Variants in LYST observed in about 807,000 individuals in gnomAD.
LYST encodes lysosomal-trafficking regulator.
In LYST, 192 loss-of-function variants were observed where a neutral mutation model predicts 413.6. The observed-to-expected ratio is 0.46, with a 90% CI of 0.41 to 0.52. LYST has a LOEUF of 0.52. LYST is among the 20% of genes least tolerant of loss of function. The pLI is 0.00. For synonymous variants in LYST, 1,525 were observed against 1,567.3 expected (o/e 0.97, Z 0.64); for missense variants, 3,815 against 4,499.9 (o/e 0.85, Z 4.35).
At chr1:235,683,761 T>C (rs1357276251) in intron 48 of LYST, among the ~76,000 whole-genome samples, 1 of 152,124 alleles carries the variant, frequency 6.6e-6, no homozygotes, top group African/African-American at 2.4e-5. Context: ...ATTCAGTGGG[T>C]CAGGAAAGCT....
intron 16 of LYST, among the ~76,000 whole-genome samples, chr1:235,778,407 C>T (rs1669530981): frequency 6.6e-6 from 1 of 151,844 alleles, no homozygotes; most frequent in Admixed American, 6.6e-5. Flanking sequence ...CGGAGTCTTG[C>T]TCTGTTGCCC....
intron 30 of LYST, among the ~76,000 whole-genome samples, chr1:235,741,979 G>A (rs1405616293): frequency 6.6e-6 from 1 of 152,114 alleles, no homozygotes; most frequent in Non-Finnish European, 1.5e-5. Flanking sequence ...GACCCTTGAG[G>A]ACATTATGCT....
At chr1:235,852,713 A>T (rs1239927591) in intron 1 of LYST, among the ~76,000 whole-genome samples, 1 of 152,192 alleles carries the variant, frequency 6.6e-6, no homozygotes, top group Non-Finnish European at 1.5e-5. Context: ...CGCATTTAAT[A>T]AATTATTTTA....
chr1:235,673,655 C>G (rs1483174960), intron 50 of LYST, among the ~76,000 whole-genome samples: 1 of 152,158 alleles, frequency 6.6e-6, no homozygotes, highest in Non-Finnish European at 1.5e-5. Context: ...TTAGGTGCTT[C>G]TATGGTCTAG....
chr1:235,862,007 T>G (rs1006019695), intron 1 of LYST, among the ~76,000 whole-genome samples: 54 of 152,270 alleles, frequency 3.5e-4, no homozygotes, highest in African/African-American at 1.3e-3. Flanking sequence ...TTAGACTGAG[T>G]TCCTCCTGCA....
At chr1:235,670,343 G>A (rs1345154733) in intron 50 of LYST, among the ~76,000 whole-genome samples, 5 of 152,200 alleles carry the variant, frequency 3.3e-5, no homozygotes, top group Admixed American at 6.5e-5. Context: ...GCAATCAGAC[G>A]GATGCAGGCA....
chr1:235,756,508 A>G (rs1463616233), intron 24 of LYST, among the ~76,000 whole-genome samples: 1 of 152,132 alleles, frequency 6.6e-6, no homozygotes, highest in Admixed American at 6.6e-5. Flanking sequence ...AGGGACTTAC[A>G]CATGAAATGC....
intron 3 of LYST, chr1:235,827,361 T>A (rs1346308491): frequency 1.2e-6 from 1 of 856,598 alleles, no homozygotes; most frequent in Non-Finnish European, 1.4e-6. Context: ...AAAGTGAGAC[T>A]CTGTCTCAAA....
intron 1 of LYST, among the ~76,000 whole-genome samples, chr1:235,844,664 C>T (rs74148853): frequency 0.059 from 8,926 of 151,824 alleles, 875 homozygotes; most frequent in African/African-American, 0.2. Context: ...AATACATACA[C>T]CTGGAAACAA....
In LYST at chr1:235,810,068, C is replaced by T. The variant is rs1469891781; in HGVS notation, c.750G>A (p.Met250Ile). ...EPAALSVISN[M>I]NNSPFDLCHV... ...GACATAAGTCAAATGGAGAATTGTT[C>T]ATGTTACTGATAACAGACAAGGCAG... The change falls in exon 5 of 53, where the codon ATG becomes ATA. Residue 250 changes from methionine to isoleucine, a missense_variant. Transcript: ENST00000389793. 3 of 1,614,002 alleles carry T rather than the reference C, an allele frequency of 1.9e-6. No individual in the cohort carries two copies. Among genetic ancestry groups the T allele is most frequent in the Non-Finnish European group, 1.7e-6 (2 of 1,179,940 alleles).
chr1:235,827,134 C>A (rs995262928), intron 3 of LYST, among the ~76,000 whole-genome samples: 1 of 151,976 alleles, frequency 6.6e-6, no homozygotes, highest in African/African-American at 2.4e-5. Context: ...GAGGCCATGG[C>A]GGGCAGATCA....
chr1:235,729,658 CT>C lies in LYST; in HGVS notation c.9045-2del. The C allele has an allele frequency of 6.3e-7, 1 of 1,599,490 alleles. No homozygotes were observed. The highest frequency in any genetic ancestry group is 1.1e-5 in the South Asian group (1 of 90,784). On this transcript the variant is annotated splice_acceptor_variant, in intron 36 of 52. Coordinates refer to ENST00000389793, the MANE Select transcript of LYST (RefSeq NM_000081.4). LOFTEE classifies it high-confidence loss of function. Reference sequence around the variant, plus strand: ...AACACTGATGCATCTTCGATTCACTCTGTCAAAACATATTTAAAATTACTAT... The same window carrying C: ...AACACTGATGCATCTTCGATTCACTCGTCAAAACATATTTAAAATTACTAT...
In LYST at chr1:235,810,535, C is replaced by G; in HGVS notation, c.284-1G>C. ...TCTGCTGAGAGCGGTAGGTTAAAAT[C>G]TAATGGAATGAAAAAAGAAGGCTTA... On this transcript the variant is annotated splice_acceptor_variant, in intron 4 of 52. Transcript: ENST00000389793. LOFTEE classifies it high-confidence loss of function. The G allele has an allele frequency of 6.2e-7, 1 of 1,609,864 alleles. No homozygotes were observed. Among genetic ancestry groups the G allele is most frequent in the Non-Finnish European group, 8.5e-7 (1 of 1,179,556 alleles).
chr1:235,870,414 T>C (rs1680876309), upstream of LYST, among the ~76,000 whole-genome samples: 1 of 152,240 alleles, frequency 6.6e-6, no homozygotes, highest in Non-Finnish European at 1.5e-5. Context: ...CCCAGTTGTT[T>C]CTGTACCTCA....
Position 235,730,926 on chromosome 1 carries a change from G to A in LYST, c.8965C>T (p.Leu2989Phe). ...GTTTTGTCTTCAAACAGGTAAGAGA[G>A]TGGTGGTTTGACAACATCTGTTGAG... ...QKSEDVVKPP[L>F]SYLFEDKTHS... The change falls in exon 36 of 53, where the codon CTC becomes TTC. Residue 2989 changes from leucine (L) to phenylalanine (F), a missense_variant. Transcript: ENST00000389793. 6.2e-7 allele frequency: 1 copy of A among 1,613,018 alleles called. No individual in the cohort carries two copies. The highest frequency in any genetic ancestry group is 8.5e-7 in the Non-Finnish European group (1 of 1,179,054).
Position 235,778,098 on chromosome 1 carries a change from A to AATATATATATAT in LYST, c.5215-802_5215-791dup, listed in dbSNP as rs139907712. 6.7e-4 allele frequency among the ~76,000 whole-genome samples: 86 copies of AATATATATATAT among 128,012 alleles called. 2 individuals are homozygous for AATATATATATAT. The highest frequency in any genetic ancestry group is 2.7e-3 in the African/African-American group (72 of 26,700). 84.0% of individuals were successfully genotyped at this position (128,012 alleles called of 152,430 possible). ...CCACCACACCCAGTTAACCCAGTTA[A>AATATATATATAT]ATATATATATATATATATATATATT... On this transcript the variant is annotated intron_variant, in intron 16 of 52. Coordinates refer to ENST00000389793, the MANE Select transcript of LYST (RefSeq NM_000081.4).
intron 1 of LYST, among the ~76,000 whole-genome samples, chr1:235,863,270 T>G (rs1463403959): frequency 6.6e-6 from 1 of 151,840 alleles, no homozygotes; most frequent in African/African-American, 2.4e-5. Flanking sequence ...CACACACCTG[T>G]AGTCCCAGCT....
chr1:235,752,687 A>G (rs1666621134), intron 26 of LYST, among the ~76,000 whole-genome samples: 1 of 152,090 alleles, frequency 6.6e-6, no homozygotes, highest in African/African-American at 2.4e-5. Flanking sequence ...TAAATATCCA[A>G]TAAATATGAA....
chr1:235,840,983 G>A (rs1439001978), intron 1 of LYST, among the ~76,000 whole-genome samples: 4 of 152,274 alleles, frequency 2.6e-5, no homozygotes, highest in East Asian at 1.9e-4. Context: ...TGTCACCTGC[G>A]AAGAACACAC....
Sources: allele counts gnomAD v4.1 joint callset (sites outside exome capture counted in the v4.1 genomes callset), GRCh38; gene constraint gnomAD v4.1.1; transcripts MANE v1.5; gene names NCBI Gene and HGNC (gene_info 2026-07-23, HGNC 2026-07-21).